Variants in DMD observed in about 807,000 individuals in gnomAD.
DMD encodes the protein mutant dystrophin.
A neutral mutation model predicts 330.1 loss-of-function variants in DMD; 63 were observed. The observed-to-expected ratio is 0.19, with a 90% CI of 0.16 to 0.24. The LOEUF (loss-of-function observed/expected upper bound fraction) is 0.24, where lower values mean the gene tolerates loss of function less well. Among genes scored for constraint, DMD ranks in the 10% least tolerant of loss-of-function variants. DMD has a pLI of 1.00. For missense variants in DMD, 3,344 were observed against 2,684.1 expected (o/e 1.25, Z -5.43); for synonymous variants, 1,223 against 959.8 (o/e 1.27, Z -5.07).
intron 1 of DMD, among the ~76,000 whole-genome samples, chrX:33,123,109 C>T (rs149148313): frequency 0.029 from 3,298 of 111,949 alleles, 127 homozygotes; most frequent in African/African-American, 0.1. Flanking sequence ...CTACAGTATT[C>T]AGTACAGTCA....
chrX:32,219,668 G>T (rs941169579), intron 43 of DMD, among the ~76,000 whole-genome samples: 2 of 111,310 alleles, frequency 1.8e-5, no homozygotes, highest in African/African-American at 6.5e-5. Context: ...CACCTTTGTA[G>T]CAACCATCAG....
At chrX:32,739,663 G>A (rs1471813809) in intron 7 of DMD, among the ~76,000 whole-genome samples, 1 of 111,765 alleles carries the variant, frequency 8.9e-6, no homozygotes, top group Admixed American at 9.6e-5. Flanking sequence ...AGAAGTATGT[G>A]GTTGAAATGT....
intron 1 of DMD, among the ~76,000 whole-genome samples, chrX:33,238,555 G>A (rs1343097350): frequency 9.0e-6 from 1 of 111,149 alleles, no homozygotes; most frequent in African/African-American, 3.3e-5. Flanking sequence ...TGTGTAGAAG[G>A]AATCTAGTAT....
intron 76 of DMD, among the ~76,000 whole-genome samples, chrX:31,143,455 C>A (rs2036324750): frequency 8.9e-6 from 1 of 111,880 alleles, no homozygotes; most frequent in Non-Finnish European, 1.9e-5. Flanking sequence ...AAACCTCTTT[C>A]TTCATAAATT....
intron 67 of DMD, 123 bp downstream of exon 67, chrX:31,203,838 C>T (rs768452311): frequency 5.4e-5 from 33 of 607,848 alleles, no homozygotes; most frequent in African/African-American, 5.2e-4. Flanking sequence ...TTCCAAATAT[C>T]CCAAATCCCA....
chrX:31,852,862 A>T (rs771779206), intron 48 of DMD, among the ~76,000 whole-genome samples: 70 of 112,302 alleles, frequency 6.2e-4, no homozygotes, highest in Non-Finnish European at 1.2e-3. Context: ...AGAGTTAAAC[A>T]ATTTATAATT....
chrX:31,842,179 A>C (rs1028763344), intron 48 of DMD, among the ~76,000 whole-genome samples: 5 of 111,718 alleles, frequency 4.5e-5, no homozygotes, highest in African/African-American at 1.6e-4. Flanking sequence ...TTAGTAGGGG[A>C]AGTCACTGGA....
intron 44 of DMD, among the ~76,000 whole-genome samples, chrX:32,162,458 G>A (rs368011559): frequency 6.7e-4 from 74 of 111,015 alleles, no homozygotes; most frequent in African/African-American, 2.4e-3. Flanking sequence ...GACTCTCAGA[G>A]ATTTTCAGAG....
chrX:31,260,515 A>C (rs1408219624), intron 63 of DMD, among the ~76,000 whole-genome samples: 1 of 111,955 alleles, frequency 8.9e-6, no homozygotes, highest in Non-Finnish European at 1.9e-5. Context: ...GGCCTTAGGA[A>C]TTGTGAGCAC....
intron 1 of DMD, among the ~76,000 whole-genome samples, chrX:33,313,280 T>C (rs978415722): frequency 3.6e-5 from 4 of 112,185 alleles, no homozygotes; most frequent in African/African-American, 1.3e-4. Context: ...AGCACTATAC[T>C]GTTTTTAGTT....
intron 74 of DMD, among the ~76,000 whole-genome samples, chrX:31,165,742 T>C (rs1300286517): frequency 1.8e-5 from 2 of 112,149 alleles, no homozygotes; most frequent in Non-Finnish European, 3.8e-5. Flanking sequence ...GTATCTGAAT[T>C]ATATGTGGTA....
chrX:32,305,542 A>G (rs1166780644), intron 42 of DMD, among the ~76,000 whole-genome samples: 1 of 111,192 alleles, frequency 9.0e-6, no homozygotes, highest in African/African-American at 3.3e-5. Flanking sequence ...AGAATCTGAC[A>G]TTCTCTCACT....
intron 63 of DMD, among the ~76,000 whole-genome samples, chrX:31,247,478 T>C (rs759234717): frequency 4.2e-4 from 46 of 109,343 alleles, no homozygotes; most frequent in African/African-American, 1.4e-3. Context: ...CACACGCCTG[T>C]AGTCCCAGCT....
chrX:31,728,320 C>T (rs941811698), intron 52 of DMD, among the ~76,000 whole-genome samples: 8 of 112,242 alleles, frequency 7.1e-5, no homozygotes, highest in Admixed American at 9.4e-5. Context: ...CCACCGCGCC[C>T]GGCCGAGTAA....
At position 32,681,058 on chromosome X, in the gene DMD, C is replaced by T. The variant is rs1419763443; in HGVS notation, c.960+16812G>A. 4.5e-5 allele frequency among the ~76,000 whole-genome samples: 5 copies of T among 112,176 alleles called. No individual in the cohort carries two copies. The Admixed American group carries it at 4.7e-4, about 11-fold the overall frequency. On this transcript the variant is annotated intron_variant, in intron 9 of 78. Transcript: ENST00000357033. ...TTTATCTAATCTTTTTGCTATTAGGCGATAAAGAATCTTAGAGCAGCAAAG... is the reference window on the plus strand; with the variant it reads ...TTTATCTAATCTTTTTGCTATTAGGTGATAAAGAATCTTAGAGCAGCAAAG...
At chrX:31,383,663 CTG>C (rs2060298034) in intron 60 of DMD, among the ~76,000 whole-genome samples, 2 of 111,885 alleles carry the variant, frequency 1.8e-5, no homozygotes, top group Non-Finnish European at 3.8e-5. Context: ...CATCCTGTGC[CTG>C]TAAAAATCCC....
chrX:33,106,076 A>T (rs2095285383), intron 1 of DMD, among the ~76,000 whole-genome samples: 1 of 110,773 alleles, frequency 9.0e-6, no homozygotes, highest in East Asian at 2.8e-4. Flanking sequence ...ACACACACAC[A>T]CACACACCAT....
chrX:33,300,796 G>A (rs2053650108), intron 1 of DMD, among the ~76,000 whole-genome samples: 1 of 111,705 alleles, frequency 9.0e-6, no homozygotes, highest in Non-Finnish European at 1.9e-5. Context: ...AAAGGACTAA[G>A]ACACTGATTT....
intron 34 of DMD, among the ~76,000 whole-genome samples, chrX:32,371,097 C>CA (rs1427921611): frequency 1.8e-5 from 2 of 111,046 alleles, no homozygotes; most frequent in Admixed American, 9.6e-5. Context: ...CACAGGCAAA[C>CA]AGAAAGATGC....
Sources: allele counts gnomAD v4.1 joint callset (sites outside exome capture counted in the v4.1 genomes callset), GRCh38; gene constraint gnomAD v4.1.1; transcripts MANE v1.5; gene names NCBI Gene and HGNC (gene_info 2026-07-23, HGNC 2026-07-21).